Variants in IL1RAPL2 observed in about 807,000 individuals in gnomAD.
IL1RAPL2 encodes the protein interleukin 1 receptor accessory protein like 2.
A neutral mutation model predicts 44.1 loss-of-function variants in IL1RAPL2; 3 were observed. The ratio of observed to expected loss-of-function variants is 0.07; its 90% CI spans 0.03 to 0.18. The LOEUF is 0.18. IL1RAPL2 is among the 10% of genes least tolerant of loss of function. The probability of loss-of-function intolerance (pLI) is 1.00; values close to 1 mark genes in which losing one functional copy is unlikely to be tolerated. For missense variants in IL1RAPL2, 391 were observed against 496.4 expected (o/e 0.79, Z 2.02); for synonymous variants, 181 against 178.8 (o/e 1.01, Z -0.10).
At chrX:105,217,245 A>T (rs782285620) in intron 3 of IL1RAPL2, among the ~76,000 whole-genome samples, 2 of 110,842 alleles carry the variant, frequency 1.8e-5, no homozygotes, top group Non-Finnish European at 3.8e-5. Context: ...ATGAACTCCA[A>T]CAAATTTACA....
At chrX:105,225,567 G>A (rs1313093549) in intron 3 of IL1RAPL2, among the ~76,000 whole-genome samples, 1 of 111,675 alleles carries the variant, frequency 9.0e-6, no homozygotes, top group Non-Finnish European at 1.9e-5. Context: ...TGTTAGGAGA[G>A]AATTCTCCAT....
intron 2 of IL1RAPL2, among the ~76,000 whole-genome samples, chrX:105,005,259 G>A (rs909634159): frequency 9.0e-6 from 1 of 111,290 alleles, no homozygotes; most frequent in Non-Finnish European, 1.9e-5. Context: ...ACAATGCTTC[G>A]TATAGGGTAG....
intron 1 of IL1RAPL2, among the ~76,000 whole-genome samples, chrX:104,608,662 C>CTTT (rs60105376): frequency 1.1e-3 from 67 of 58,507 alleles, no homozygotes; most frequent in Non-Finnish European, 1.3e-3. Flanking sequence ...GCAACCCCTG[C>CTTT]TTTTTTTTTT....
chrX:104,671,701 G>A (rs1447859803), intron 2 of IL1RAPL2, among the ~76,000 whole-genome samples: 5 of 111,933 alleles, frequency 4.5e-5, no homozygotes, highest in South Asian at 3.7e-4. Context: ...GTTGATCTAC[G>A]AATGTTTATT....
chrX:105,123,670 G>T (rs1392486774), intron 2 of IL1RAPL2, among the ~76,000 whole-genome samples: 1 of 111,155 alleles, frequency 9.0e-6, no homozygotes, highest in African/African-American at 3.3e-5. Flanking sequence ...TTTTGTGGGT[G>T]CCAATGGCAG....
intron 6 of IL1RAPL2, among the ~76,000 whole-genome samples, chrX:105,611,053 T>C (rs1279608667): frequency 2.7e-5 from 3 of 111,560 alleles, no homozygotes; most frequent in African/African-American, 9.8e-5. Flanking sequence ...CATAATCCTG[T>C]GTAGACCTAG....
intron 2 of IL1RAPL2, among the ~76,000 whole-genome samples, chrX:104,825,759 C>A (rs1921433616): frequency 8.9e-6 from 1 of 111,901 alleles, no homozygotes; most frequent in Non-Finnish European, 1.9e-5. Flanking sequence ...TCCTGCATAA[C>A]AAACCACCTG....
At chrX:104,758,871 T>C (rs189830497) in intron 2 of IL1RAPL2, among the ~76,000 whole-genome samples, 4 of 111,928 alleles carry the variant, frequency 3.6e-5, no homozygotes, top group South Asian at 3.7e-4. Context: ...AAATGAGCTA[T>C]GTTACTCCCT....
chrX:104,944,538 T>A (rs926821591), intron 2 of IL1RAPL2, among the ~76,000 whole-genome samples: 1 of 111,666 alleles, frequency 9.0e-6, no homozygotes, highest in Admixed American at 9.6e-5. Flanking sequence ...TTTAAATGAC[T>A]CTTCTATTTA....
chrX:105,762,496 A>T (rs182973835), intron 10 of IL1RAPL2, among the ~76,000 whole-genome samples: 1 of 112,403 alleles, frequency 8.9e-6, no homozygotes, highest in African/African-American at 3.2e-5. Flanking sequence ...ATGTGAAAAA[A>T]TTAATTATAT....
intron 2 of IL1RAPL2, among the ~76,000 whole-genome samples, chrX:105,041,427 G>A (rs2031734320): frequency 9.1e-6 from 1 of 110,371 alleles, no homozygotes. Flanking sequence ...CGATTCCTGG[G>A]TATCCTTGTT....
At chrX:104,784,750 A>G (rs747010970) in intron 2 of IL1RAPL2, among the ~76,000 whole-genome samples, 6 of 107,240 alleles carry the variant, frequency 5.6e-5, no homozygotes, top group African/African-American at 2.0e-4. Flanking sequence ...GTGTCTTTTT[A>G]TATCTTCTTT....
intron 2 of IL1RAPL2, among the ~76,000 whole-genome samples, chrX:105,061,616 A>G (rs927769500): frequency 2.7e-5 from 3 of 112,058 alleles, no homozygotes; most frequent in African/African-American, 9.7e-5. Flanking sequence ...AAGAAAATCA[A>G]CAATGATGAA....
intron 2 of IL1RAPL2, among the ~76,000 whole-genome samples, chrX:105,144,474 T>G (rs902642647): frequency 9.0e-6 from 1 of 111,338 alleles, no homozygotes; most frequent in African/African-American, 3.3e-5. Context: ...AACCCTTCAG[T>G]GACTCCCTGT....
At chrX:105,639,818 C>T (rs2037551666) in intron 6 of IL1RAPL2, among the ~76,000 whole-genome samples, 1 of 111,027 alleles carries the variant, frequency 9.0e-6, no homozygotes. Context: ...AACACATTCA[C>T]ACAAAAAAGC....
At chrX:105,652,211 T>C (rs2037646765) in intron 6 of IL1RAPL2, among the ~76,000 whole-genome samples, 1 of 111,817 alleles carries the variant, frequency 8.9e-6, no homozygotes, top group Non-Finnish European at 1.9e-5. Flanking sequence ...TAAAAGAACC[T>C]ACAGATCCAT....
chrX:105,349,143 A>C (rs750311671), intron 5 of IL1RAPL2, among the ~76,000 whole-genome samples: 27 of 112,289 alleles, frequency 2.4e-4, no homozygotes, highest in African/African-American at 7.4e-4. Context: ...GGCTCTGACC[A>C]CTTGAGGACT....
chrX:105,715,764 G>T (rs938228014), intron 6 of IL1RAPL2, among the ~76,000 whole-genome samples: 6 of 111,134 alleles, frequency 5.4e-5, no homozygotes, highest in Non-Finnish European at 9.4e-5. Flanking sequence ...TATGAAATGG[G>T]GCCTAGAAAA....
intron 5 of IL1RAPL2, among the ~76,000 whole-genome samples, chrX:105,468,769 G>A (rs1338301677): frequency 1.8e-5 from 2 of 111,584 alleles, no homozygotes; most frequent in Non-Finnish European, 3.8e-5. Context: ...CTCTCAGAGT[G>A]CTATCCTGTT....
Sources: gnomAD v4.1 joint callset for allele counts (sites outside exome capture counted in the v4.1 genomes callset) on GRCh38, gnomAD v4.1.1 for gene constraint, MANE v1.5 for transcripts, NCBI Gene and HGNC (gene_info 2026-07-23, HGNC 2026-07-21) for gene names.